The following POT1 variants were observed in gnomAD, a reference collection of about 807,000 sequenced individuals.
POT1 encodes the protein protection of telomeres protein 1.
POT1 carries 47 observed loss-of-function variants against 78.5 expected under a neutral mutation model. The observed-to-expected ratio is 0.60, with a 90% CI of 0.47 to 0.76. The LOEUF is 0.76. Ranked by LOEUF, POT1 falls within the 30% of genes least tolerant of loss-of-function variation. The pLI is 0.00. For missense variants in POT1, 646 were observed against 749.9 expected (o/e 0.86, Z 1.62); for synonymous variants, 259 against 260.7 (o/e 0.99, Z 0.06).
intron 3 of POT1, among the ~76,000 whole-genome samples, chr7:124,904,150 T>C (rs1181480536): frequency 6.6e-6 from 1 of 152,190 alleles, no homozygotes; most frequent in East Asian, 1.9e-4. Context: ...GAGGGAATCC[T>C]CCCTAACTTA....
chr7:124,843,000 A>G, intron 12 of POT1, 37 bp from the exon 13 acceptor site: 2 of 1,418,766 alleles, frequency 1.4e-6, no homozygotes, highest in South Asian at 2.9e-5. Flanking sequence ...GAATAACAAG[A>G]ATCATATTTA....
intron 14 of POT1, among the ~76,000 whole-genome samples, chr7:124,839,952 T>C (rs774898883): frequency 2.6e-5 from 4 of 151,964 alleles, no homozygotes; most frequent in African/African-American, 4.8e-5. Context: ...TATATTAGGG[T>C]TTACTCTCAG....
chr7:124,917,178 G>C (rs990579020), intron 2 of POT1, among the ~76,000 whole-genome samples: 4 of 152,082 alleles, frequency 2.6e-5, no homozygotes, highest in South Asian at 4.1e-4. Context: ...ACCAAGACAG[G>C]CTTCATCAGA....
chr7:124,840,821 C>A, intron 14 of POT1, 152 bp downstream of exon 14: 2 of 537,404 alleles, frequency 3.7e-6, no homozygotes, highest in Non-Finnish European at 6.4e-6. Flanking sequence ...TATATTTGAA[C>A]CTAGTTAACA....
chr7:124,860,465 G>C (rs1253484946), intron 8 of POT1, among the ~76,000 whole-genome samples: 1 of 151,898 alleles, frequency 6.6e-6, no homozygotes, highest in Non-Finnish European at 1.5e-5. Flanking sequence ...CTGTAAGAAA[G>C]ATAAATATAT....
chr7:124,913,646 G>C (rs962762352), intron 3 of POT1, among the ~76,000 whole-genome samples: 1 of 152,180 alleles, frequency 6.6e-6, no homozygotes. Flanking sequence ...GTTAAATTTT[G>C]TATATAATGT....
intron 9 of POT1, 60 bp downstream of exon 9, chr7:124,858,897 A>G (rs1395084089): frequency 1.5e-6 from 2 of 1,327,754 alleles, no homozygotes; most frequent in African/African-American, 1.5e-5. Flanking sequence ...AATTTACATG[A>G]GCAAAAATCA....
intron 6 of POT1, among the ~76,000 whole-genome samples, chr7:124,891,125 C>T (rs1273302826): frequency 1.3e-5 from 2 of 151,708 alleles, no homozygotes; most frequent in Admixed American, 1.3e-4. Context: ...AATGAAACCT[C>T]CTACTATAAT....
At chr7:124,909,594 ACAT>A (rs1796842351) in intron 3 of POT1, among the ~76,000 whole-genome samples, 1 of 151,916 alleles carries the variant, frequency 6.6e-6, no homozygotes, top group African/African-American at 2.4e-5. Flanking sequence ...CTCAGTCTTC[ACAT>A]CATTATATTT....
chr7:124,842,142 A>T (rs1795043037), intron 13 of POT1, among the ~76,000 whole-genome samples: 1 of 152,048 alleles, frequency 6.6e-6, no homozygotes, highest in Non-Finnish European at 1.5e-5. Flanking sequence ...CCAAATGCAT[A>T]TAACCATCAA....
At chr7:124,903,594 C>T (rs751094312) in intron 3 of POT1, among the ~76,000 whole-genome samples, 14 of 151,990 alleles carry the variant, frequency 9.2e-5, no homozygotes, top group Non-Finnish European at 1.8e-4. Context: ...AATGGACACC[C>T]TAACATCACA....
chr7:124,884,845 T>G (rs568048016), intron 6 of POT1, among the ~76,000 whole-genome samples: 13 of 152,314 alleles, frequency 8.5e-5, no homozygotes, highest in African/African-American at 2.9e-4. Flanking sequence ...CTGAATACAT[T>G]TGTTTTATTT....
chr7:124,842,229 T>C (rs1259225244), intron 13 of POT1, among the ~76,000 whole-genome samples: 1 of 151,994 alleles, frequency 6.6e-6, no homozygotes, highest in Non-Finnish European at 1.5e-5. Context: ...GAGGAGCTTT[T>C]AAAAATGATT....
chr7:124,859,194 T>C, intron 8 of POT1, 82 bp from the exon 9 acceptor site: 2 of 1,035,402 alleles, frequency 1.9e-6, no homozygotes, highest in East Asian at 2.7e-5. Context: ...AAACAGTATT[T>C]AAAAGTAATT....
Position 124,859,048 on chromosome 7 carries a change from T to C in POT1, c.611A>G (p.Glu204Gly). Residue 204 changes from glutamate (E) to glycine (G), a missense_variant, in exon 9 of 19, where the codon GAA becomes GGA. Around this residue, in one of 2 missense-constraint regions of POT1, gnomAD observed 252 missense variants for 341.4 expected, o/e 0.74. Transcript: ENST00000357628. ...CCGATGGATGTGACTTAAATCACCT[T>C]CAAGAACAAGGTCTTGTATTAAGAC... is the stretch of plus-strand genomic sequence containing the variant. Reference protein sequence around the residue: ...WRVLIQDLVLEGDLSHIHRLQ... With the variant: ...WRVLIQDLVLGGDLSHIHRLQ... 6.2e-7 allele frequency: 1 copy of C among 1,611,098 alleles called. No individual in the cohort carries two copies. Among genetic ancestry groups the C allele is most frequent in the Non-Finnish European group, 8.5e-7 (1 of 1,177,910 alleles).
intron 17 of POT1, 69 bp from the exon 18 acceptor site, chr7:124,825,426 C>A (rs531368820): frequency 4.3e-6 from 4 of 933,294 alleles, no homozygotes; most frequent in Non-Finnish European, 6.4e-6. Flanking sequence ...ATTATTAACA[C>A]ATATTTCAAT....
chr7:124,861,963 A>G lies in POT1; in HGVS notation c.546+1387T>C, dbSNP rs60244300. On this transcript the variant is annotated intron_variant, in intron 8 of 18. Coordinates refer to ENST00000357628, the MANE Select transcript of POT1 (RefSeq NM_015450.3). ...CCTCTGTTCCGTTCCACTGGTCCAT[A>G]TATCTGCTTTGGTAGCAGTACAATG... 5.9e-3 allele frequency among the ~76,000 whole-genome samples: 894 copies of G among 152,222 alleles called. 5 individuals carry two copies. The highest frequency in any genetic ancestry group is 0.02 in the African/African-American group (843 of 41,548).
intron 8 of POT1, 24 bp downstream of exon 8, chr7:124,863,326 T>C (rs746642165): frequency 8.2e-6 from 13 of 1,591,506 alleles, no homozygotes; most frequent in African/African-American, 1.3e-5. Context: ...TAACTTATAA[T>C]TCCCAGTATT....
At chr7:124,893,668 T>C (rs1796426556) in intron 5 of POT1, among the ~76,000 whole-genome samples, 1 of 151,542 alleles carries the variant, frequency 6.6e-6, no homozygotes, top group Admixed American at 6.6e-5. Context: ...TTCATCATAC[T>C]AACTCCACCT....
Sources: gnomAD v4.1 joint callset for allele counts (sites outside exome capture counted in the v4.1 genomes callset) on GRCh38, gnomAD v4.1.1 for gene constraint, gnomAD v4.1.1 regional missense constraint, MANE v1.5 for transcripts, NCBI Gene and HGNC (gene_info 2026-07-23, HGNC 2026-07-21) for gene names.